Variants in BLTP1 observed in about 807,000 individuals in gnomAD.
The protein encoded by BLTP1 is fragile site-associated protein.
the BLTP1 span, chr4:122,257,130 C>G: frequency 2.0e-6 from 2 of 1,009,244 alleles, no homozygotes; most frequent in Non-Finnish European, 2.9e-6. Flanking sequence ...TACTTAACAT[C>G]TAAGTTTTAA....
the BLTP1 span, chr4:122,190,492 C>T: frequency 4.5e-6 from 4 of 882,280 alleles, 1 homozygote; most frequent in South Asian, 2.1e-4. Context: ...GCTTAGCCAT[C>T]AGGAAATGGT....
chr4:122,328,802 G>A, the BLTP1 span: 55 of 968,578 alleles, frequency 5.7e-5, no homozygotes, highest in Non-Finnish European at 6.6e-5. Context: ...ACATGAAATG[G>A]TGTTAATGAA....
chr4:122,316,869 A>T, the BLTP1 span: 1 of 1,542,460 alleles, frequency 6.5e-7, no homozygotes, highest in African/African-American at 1.4e-5. Flanking sequence ...TGAAGTATGT[A>T]CAATGATTTT....
the BLTP1 span, among the ~76,000 whole-genome samples, chr4:122,296,842 G>A: frequency 6.6e-6 from 1 of 152,270 alleles, no homozygotes; most frequent in Non-Finnish European, 1.5e-5. Flanking sequence ...TTTAATAAAT[G>A]GTGCTGAGAA....
At chr4:122,153,043 T>C in the BLTP1 span, 1 of 985,350 alleles carries the variant, frequency 1.0e-6, no homozygotes. Context: ...TTTTGTATTC[T>C]GAATTGGTGC....
chr4:122,252,412 G>A, the BLTP1 span, among the ~76,000 whole-genome samples: 1 of 152,102 alleles, frequency 6.6e-6, no homozygotes, highest in Non-Finnish European at 1.5e-5. Flanking sequence ...GGGTCAGCAG[G>A]GAGCCCACTG....
the BLTP1 span, chr4:122,316,329 A>G: frequency 4.4e-6 from 2 of 453,922 alleles, no homozygotes; most frequent in Non-Finnish European, 9.1e-6. Flanking sequence ...TAAATTTAAT[A>G]TTACTGTTTA....
the BLTP1 span, chr4:122,181,209 A>G: frequency 2.4e-6 from 2 of 821,708 alleles, no homozygotes; most frequent in South Asian, 1.1e-4. Context: ...AGTATTTACA[A>G]ACATTCTATG....
the BLTP1 span, chr4:122,256,724 A>T: frequency 8.7e-6 from 2 of 229,768 alleles, no homozygotes; most frequent in Non-Finnish European, 1.4e-5. Context: ...ATTTTAAACT[A>T]TATAATTATT....
chr4:122,203,813 A>G, the BLTP1 span: 1 of 518,952 alleles, frequency 1.9e-6, no homozygotes, highest in Non-Finnish European at 2.5e-6. Context: ...ATTTATTAGA[A>G]ATAGACTAAT....
At chr4:122,178,964 C>T in the BLTP1 span, among the ~76,000 whole-genome samples, 1 of 152,094 alleles carries the variant, frequency 6.6e-6, no homozygotes, top group African/African-American at 2.4e-5. Flanking sequence ...GAACAAATAG[C>T]AAGTCTGTAA....
chr4:122,352,444 C>T, the BLTP1 span, among the ~76,000 whole-genome samples: 2 of 148,446 alleles, frequency 1.3e-5, no homozygotes, highest in African/African-American at 5.0e-5. Context: ...ACTACAACCT[C>T]TGCCTCCTGG....
At chr4:122,197,260 C>A in the BLTP1 span, 1 of 1,474,808 alleles carries the variant, frequency 6.8e-7, no homozygotes, top group Non-Finnish European at 9.1e-7. Flanking sequence ...ATTCCAATGA[C>A]AGTTGAAGAA....
chr4:122,239,468 A>C, the BLTP1 span: 1 of 1,401,268 alleles, frequency 7.1e-7, no homozygotes, highest in Non-Finnish European at 9.6e-7. Flanking sequence ...TTTATGCTTA[A>C]ATTTTATGAT....
At chr4:122,343,673 A>G in the BLTP1 span, 2 of 1,548,144 alleles carry the variant, frequency 1.3e-6, no homozygotes, top group East Asian at 2.3e-5. Flanking sequence ...TTCAAGCTTT[A>G]TTTTCATAAA....
At chr4:122,286,291 G>A in the BLTP1 span, 1 of 271,192 alleles carries the variant, frequency 3.7e-6, no homozygotes, top group Non-Finnish European at 5.6e-6. Flanking sequence ...TTTTTCTAGT[G>A]CCTAACACAC....
the BLTP1 span, chr4:122,214,399 G>A: frequency 1.0e-6 from 1 of 968,056 alleles, no homozygotes; most frequent in Non-Finnish European, 1.2e-6. Context: ...ATAAGCCAGT[G>A]AATTTTTTCT....
the BLTP1 span, chr4:122,273,410 C>G: frequency 4.1e-6 from 4 of 984,450 alleles, no homozygotes; most frequent in South Asian, 4.7e-5. Flanking sequence ...AAGAAAAATA[C>G]AAATACATCA....
chr4:122,160,726 T>G, the BLTP1 span, among the ~76,000 whole-genome samples: 1 of 152,226 alleles, frequency 6.6e-6, no homozygotes, highest in Non-Finnish European at 1.5e-5. Context: ...ATTTTACTTT[T>G]GTTTTGGGAT....
Sources: gnomAD v4.1 joint callset for allele counts (sites outside exome capture counted in the v4.1 genomes callset) on GRCh38, gnomAD v4.1.1 for gene constraint, MANE v1.5 for transcripts, NCBI Gene and HGNC (gene_info 2026-07-23, HGNC 2026-07-21) for gene names.